The following HSPA4 variants were observed in gnomAD, a reference collection of about 807,000 sequenced individuals.
HSPA4 encodes heat shock 70 kDa protein 4.
A neutral mutation model predicts 106.2 loss-of-function variants in HSPA4; 25 were observed. The ratio of observed to expected loss-of-function variants is 0.24; its 90% CI spans 0.17 to 0.33. HSPA4 has a LOEUF of 0.33. Among genes scored for constraint, HSPA4 ranks in the 10% least tolerant of loss-of-function variants. The pLI is 1.00. For missense variants in HSPA4, 841 were observed against 996.0 expected (o/e 0.84, Z 2.10); for synonymous variants, 332 against 333.6 (o/e 1.00, Z 0.05).
intron 7 of HSPA4, among the ~76,000 whole-genome samples, chr5:133,084,144 C>T (rs1157649283): frequency 6.6e-6 from 1 of 152,020 alleles, no homozygotes; most frequent in South Asian, 2.1e-4. Context: ...TTTTTCAGTC[C>T]CTAGATTAAG....
intron 15 of HSPA4, 91 bp from the exon 16 acceptor site, chr5:133,099,454 A>G: frequency 1.7e-6 from 1 of 600,822 alleles, no homozygotes; most frequent in South Asian, 2.6e-5. Context: ...TTTAAAGCAA[A>G]TCTCAGATAC....
intron 1 of HSPA4, among the ~76,000 whole-genome samples, chr5:133,061,454 C>T (rs1017874306): frequency 1.3e-5 from 2 of 151,862 alleles, no homozygotes; most frequent in Non-Finnish European, 2.9e-5. Context: ...TGACTTCTTC[C>T]AACCCCTGAT....
Position 133,096,180 on chromosome 5 carries a change from A to G in HSPA4, c.1733A>G (p.Asp578Gly), listed in dbSNP as rs748090481. The G allele has an allele frequency of 2.5e-6, 4 of 1,613,904 alleles. No individual in the cohort carries two copies. In the East Asian group the frequency reaches 6.7e-5, roughly 27 times the overall value. The change falls in exon 14 of 19, where the codon GAC (aspartate) becomes GGC (glycine). Residue 578 changes from aspartate to glycine, a missense_variant. Physicochemically the swap from Asp to Gly is moderately conservative, Grantham distance 94 (BLOSUM62 -1). This residue lies in a region of HSPA4 where 328 missense variants were observed against 372.2 expected (regional missense o/e 0.88). Transcript: ENST00000304858. ...KKAKVKTSTV[D>G]LPIENQLLWQ... ...GCAAAAGTGAAGACCAGTACTGTGG[A>G]CCTGCCAATCGAGAATCAGCTATTA...
In HSPA4 at chr5:133,053,745, G is replaced by A. The variant is rs370319419; in HGVS notation, c.107+1388G>A. On this transcript the variant is annotated intron_variant, in intron 1 of 18. Coordinates refer to ENST00000304858, the MANE Select transcript of HSPA4 (RefSeq NM_002154.4). ...CATGCTCTCGGCTCATTGCAACCTC[G>A]GCCTCTGGGGTTCATGCGATTCTCC... is the stretch of plus-strand genomic sequence containing the variant. Among the ~76,000 whole-genome samples, 6 of 151,546 alleles carry A rather than the reference G, an allele frequency of 4.0e-5. No individual in the cohort carries two copies. In the South Asian group the frequency reaches 1.0e-3, roughly 26 times the overall value.
intron 8 of HSPA4, among the ~76,000 whole-genome samples, 186 bp downstream of exon 8, chr5:133,087,044 G>GAAATCT (rs1413427523): frequency 1.3e-5 from 2 of 152,102 alleles, no homozygotes; most frequent in Admixed American, 6.6e-5. Flanking sequence ...AATGTCTAGG[G>GAAATCT]AAATCTAATA....
chr5:133,101,515 T>C (rs1175065144), intron 16 of HSPA4: 1 of 364,898 alleles, frequency 2.7e-6, no homozygotes, highest in Non-Finnish European at 4.9e-6. Context: ...TAATTTTTGG[T>C]GGTCTCCCTG....
chr5:133,066,736 CTTTTTTTT>C (rs58483780), intron 2 of HSPA4, among the ~76,000 whole-genome samples: 13 of 129,424 alleles, frequency 1.0e-4, no homozygotes, highest in Non-Finnish European at 2.0e-4. Flanking sequence ...TTTCTTTTTT[CTTTTTTTT>C]TTTTTTTTTG....
chr5:133,102,260 G>A (rs2126718323), intron 17 of HSPA4, among the ~76,000 whole-genome samples: 1 of 152,194 alleles, frequency 6.6e-6, no homozygotes, highest in Non-Finnish European at 1.5e-5. Context: ...CATTTACATA[G>A]CATTTTTTTC....
intron 15 of HSPA4, 134 bp from the exon 16 acceptor site, chr5:133,099,411 G>C (rs6898249): frequency 0.075 from 30,197 of 401,404 alleles, 1,321 homozygotes; most frequent in Non-Finnish European, 0.088. Flanking sequence ...GGGATTACAA[G>C]TGTGAGCCAC....
At chr5:133,087,760 A>T in intron 8 of HSPA4, among the ~76,000 whole-genome samples, 1 of 152,256 alleles carries the variant, frequency 6.6e-6, no homozygotes, top group East Asian at 1.9e-4. Flanking sequence ...AGTAGCTGGG[A>T]TTACAGGCAT....
chr5:133,064,384 T>C (rs1453867523), intron 1 of HSPA4, among the ~76,000 whole-genome samples: 1 of 152,134 alleles, frequency 6.6e-6, no homozygotes, highest in Non-Finnish European at 1.5e-5. Flanking sequence ...TGCATGCCTG[T>C]AATCCCAGCT....
intron 2 of HSPA4, among the ~76,000 whole-genome samples, chr5:133,066,329 G>A (rs952212593): frequency 1.3e-5 from 2 of 152,166 alleles, no homozygotes; most frequent in Admixed American, 1.3e-4. Context: ...TACATCTCCT[G>A]CATTGGGAGG....
chr5:133,094,665 G>A lies in HSPA4; in HGVS notation c.1651-1433G>A, dbSNP rs534629972. Among the ~76,000 whole-genome samples, 3 of 152,214 alleles carry A rather than the reference G, an allele frequency of 2.0e-5. No individual in the cohort carries two copies. In the South Asian group the frequency reaches 6.2e-4, roughly 32 times the overall value. ...CCAATGCCTTTGAGCTGTGGGAGGG[G>A]GTTTTAGAGGTATTAGTTATCTAGG... On this transcript the variant is annotated intron_variant, in intron 13 of 18. Transcript: ENST00000304858.
chr5:133,064,947 A>G (rs1376604212), intron 1 of HSPA4, 33 bp from the exon 2 acceptor site: 7 of 1,585,516 alleles, frequency 4.4e-6, no homozygotes, highest in Middle Eastern at 1.8e-4. Flanking sequence ...TTGTAGTAAG[A>G]TTTAATTCTT....
rs187283215 is a variant in HSPA4 at position 133,106,018 on chromosome 5, T to C, written c.*1582T>C. The C allele has an allele frequency of 6.6e-5, 10 of 151,778 alleles. No homozygotes were observed. Among genetic ancestry groups the C allele is most frequent in the African/African-American group, 2.4e-4 (10 of 41,350 alleles). The allele number at this position is 151,778 out of a possible 1,614,324, so 9.4% of individuals were successfully genotyped here. On this transcript the variant is annotated 3_prime_UTR_variant, in exon 19 of 19. Coordinates refer to ENST00000304858, the MANE Select transcript of HSPA4 (RefSeq NM_002154.4). ...GGCCTGCTGTGAAGCCAGTAGCTAT[T>C]TTAAAAGTGCTGGCTGCAGGATTAA...
intron 7 of HSPA4, among the ~76,000 whole-genome samples, chr5:133,082,584 G>C (rs1483576825): frequency 6.6e-6 from 1 of 152,026 alleles, no homozygotes; most frequent in Non-Finnish European, 1.5e-5. Context: ...TCCCACCTCA[G>C]ACCCCCAAGT....
At chr5:133,053,105 C>A (rs1345314942) in intron 1 of HSPA4, 1 of 152,116 alleles carries the variant, frequency 6.6e-6, no homozygotes, top group Non-Finnish European at 1.5e-5. Flanking sequence ...GTGTGTTGGC[C>A]ACAATTGTTA....
At chr5:133,060,369 C>CTT (rs879707426) in intron 1 of HSPA4, among the ~76,000 whole-genome samples, 1 of 144,794 alleles carries the variant, frequency 6.9e-6, no homozygotes, top group Non-Finnish European at 1.5e-5. Flanking sequence ...TGCTGTTATA[C>CTT]TTTTTTTTTT....
chr5:133,105,102 TC>T lies in HSPA4; in HGVS notation c.*668del, dbSNP rs1339692992. The T allele has an allele frequency of 1.3e-5, 2 of 152,250 alleles. No homozygotes were observed. The highest frequency in any genetic ancestry group is 6.5e-5 in the Admixed American group (1 of 15,274). 9.4% of individuals were successfully genotyped at this position (152,250 alleles called of 1,614,324 possible). On this transcript the variant is annotated 3_prime_UTR_variant, in exon 19 of 19. Coordinates refer to ENST00000304858, the MANE Select transcript of HSPA4 (RefSeq NM_002154.4). ...TGAGGGCTTTAAACCTGGAGGCTCT[TC>T]CTGAAAGTATGTTCATGAATACCCC...
Sources: gnomAD v4.1 joint callset for allele counts (sites outside exome capture counted in the v4.1 genomes callset) on GRCh38, gnomAD v4.1.1 for gene constraint, gnomAD v4.1.1 regional missense constraint, MANE v1.5 for transcripts, NCBI Gene and HGNC (gene_info 2026-07-23, HGNC 2026-07-21) for gene names.